Variants in AHCYL2 observed in about 807,000 individuals in gnomAD.
The protein encoded by AHCYL2 is S-adenosylhomocysteine hydrolase-like protein 2.
AHCYL2 carries 28 observed loss-of-function variants against 81.4 expected under a neutral mutation model. The observed-to-expected ratio is 0.34, with a 90% CI of 0.25 to 0.47. The LOEUF is 0.47. Among genes scored for constraint, AHCYL2 ranks in the 20% least tolerant of loss-of-function variants. AHCYL2 has a pLI of 1.00. For synonymous variants in AHCYL2, 272 were observed against 290.2 expected (o/e 0.94, Z 0.64); for missense variants, 551 against 785.1 (o/e 0.70, Z 3.56).
chr7:129,349,751 T>C (rs561686129), intron 1 of AHCYL2, among the ~76,000 whole-genome samples: 3 of 151,782 alleles, frequency 2.0e-5, no homozygotes, highest in East Asian at 3.9e-4. Context: ...ACTAAAGAGA[T>C]AGGGCTATGT....
intron 3 of AHCYL2, 120 bp downstream of exon 3, chr7:129,389,319 A>C: frequency 1.6e-6 from 2 of 1,248,282 alleles, no homozygotes; most frequent in Non-Finnish European, 2.2e-6. Flanking sequence ...GAATACTTAT[A>C]ACAAAAGAAA....
At chr7:129,248,077 C>T (rs1795122116) in intron 1 of AHCYL2, among the ~76,000 whole-genome samples, 1 of 152,164 alleles carries the variant, frequency 6.6e-6, no homozygotes, top group Non-Finnish European at 1.5e-5. Context: ...CCACTTATCC[C>T]AGCACCATTA....
intron 1 of AHCYL2, among the ~76,000 whole-genome samples, chr7:129,334,603 C>T (rs1019570632): frequency 6.6e-6 from 1 of 152,178 alleles, no homozygotes; most frequent in African/African-American, 2.4e-5. Flanking sequence ...CACTGCTTCC[C>T]TGCTAACAAA....
chr7:129,390,748 C>G (rs1232232119), intron 4 of AHCYL2, among the ~76,000 whole-genome samples: 2 of 152,134 alleles, frequency 1.3e-5, no homozygotes, highest in Admixed American at 6.6e-5. Context: ...GAAGTCCCTC[C>G]AGGATACTCC....
intron 4 of AHCYL2, among the ~76,000 whole-genome samples, chr7:129,396,807 T>A (rs1203202290): frequency 1.3e-5 from 2 of 152,118 alleles, no homozygotes; most frequent in Admixed American, 6.6e-5. Context: ...ACAACCTCCA[T>A]CTCCCAGGCT....
chr7:129,398,228 C>T (rs1795836660), intron 5 of AHCYL2, among the ~76,000 whole-genome samples: 2 of 151,430 alleles, frequency 1.3e-5, no homozygotes, highest in South Asian at 4.2e-4. Flanking sequence ...TCAGGCTGGT[C>T]TCAAACAGCC....
rs183267027 is a variant in AHCYL2, at chr7:129,368,752, G to A, written c.364-10886G>A. Among the ~76,000 whole-genome samples the A allele has an allele frequency of 6.6e-6, 1 of 152,336 alleles. No individual in the cohort carries two copies. Among genetic ancestry groups the A allele is most frequent in the African/African-American group, 2.4e-5 (1 of 41,582 alleles). On this transcript the variant is annotated intron_variant, in intron 1 of 16. Transcript: ENST00000325006. This position sits in a 1 kb window ranked among gnomAD's most constrained non-coding sequence, Gnocchi z 4.4. ...AATTATCCACGAAGCTGGGAAAGGT[G>A]TGAGAGTTGCCTGGCCAGGGCTTGT...
At chr7:129,318,168 A>G (rs1797891854) in intron 1 of AHCYL2, among the ~76,000 whole-genome samples, 1 of 152,250 alleles carries the variant, frequency 6.6e-6, no homozygotes, top group South Asian at 2.1e-4. Flanking sequence ...TATGGTTAGT[A>G]TGGAGAATAG....
At chr7:129,312,642 T>G (rs1213781808) in intron 1 of AHCYL2, among the ~76,000 whole-genome samples, 1 of 152,198 alleles carries the variant, frequency 6.6e-6, no homozygotes, top group African/African-American at 2.4e-5. Context: ...CAAGATTACC[T>G]TTTTGCTACA....
At chr7:129,389,858 A>T in intron 4 of AHCYL2, 124 bp downstream of exon 4, 1 of 685,112 alleles carries the variant, frequency 1.5e-6, no homozygotes, top group East Asian at 3.0e-5. Context: ...TAATCCTTAT[A>T]ATGGCCATAT....
At chr7:129,413,790 A>G (rs1286078200) in intron 12 of AHCYL2, 102 bp downstream of exon 12, 6 of 939,752 alleles carry the variant, frequency 6.4e-6, no homozygotes, top group South Asian at 4.1e-5. Context: ...AAACATGACT[A>G]TCCTGGCAGA....
intron 1 of AHCYL2, 23 bp downstream of exon 1, chr7:129,225,462 C>T (rs1400759195): frequency 2.0e-6 from 3 of 1,488,940 alleles, no homozygotes; most frequent in Non-Finnish European, 2.7e-6. Flanking sequence ...GGCTGCCTCT[C>T]TAGGAGAGGA....
intron 1 of AHCYL2, among the ~76,000 whole-genome samples, chr7:129,310,345 A>G (rs928012352): frequency 6.6e-6 from 1 of 152,144 alleles, no homozygotes. Flanking sequence ...ATCACCAAGG[A>G]TCTCCTGTCA....
intron 1 of AHCYL2, among the ~76,000 whole-genome samples, chr7:129,312,383 G>A (rs1797688733): frequency 6.6e-6 from 1 of 152,046 alleles, no homozygotes; most frequent in Non-Finnish European, 1.5e-5. Flanking sequence ...ATTGCACCCA[G>A]CCTCCTTCAT....
At chr7:129,352,937 CTTTTTTTTTTTT>C (rs59762582) in intron 1 of AHCYL2, among the ~76,000 whole-genome samples, 4 of 82,548 alleles carry the variant, frequency 4.8e-5, no homozygotes, top group African/African-American at 1.8e-4. Flanking sequence ...CCTCCTCATT[CTTTTTTTTTTTT>C]TTTTTTTTTT....
chr7:129,227,152 G>A (rs1563157413), intron 1 of AHCYL2, among the ~76,000 whole-genome samples: 1 of 152,110 alleles, frequency 6.6e-6, no homozygotes, highest in African/African-American at 2.4e-5. Flanking sequence ...TATGATTGAG[G>A]ATTAGAAATA....
intron 1 of AHCYL2, among the ~76,000 whole-genome samples, chr7:129,297,035 T>C (rs1458521492): frequency 6.6e-6 from 1 of 152,218 alleles, no homozygotes; most frequent in Non-Finnish European, 1.5e-5. Context: ...TATGTCAACC[T>C]TTCTGAAGTG....
intron 1 of AHCYL2, among the ~76,000 whole-genome samples, chr7:129,281,142 C>T (rs569196815): frequency 6.6e-6 from 1 of 152,264 alleles, no homozygotes; most frequent in East Asian, 1.9e-4. Context: ...GGATTACAGG[C>T]ATGAGCCACC....
At chr7:129,387,246 C>T (rs1239053776) in intron 2 of AHCYL2, among the ~76,000 whole-genome samples, 16 of 152,198 alleles carry the variant, frequency 1.1e-4, no homozygotes, top group Admixed American at 1.0e-3. Context: ...AAGATAAGGA[C>T]CATCTATATC....
Sources: gnomAD v4.1 joint callset for allele counts (sites outside exome capture counted in the v4.1 genomes callset) on GRCh38, gnomAD v4.1.1 for gene constraint, Gnocchi (gnomAD v3.1) non-coding constraint, MANE v1.5 for transcripts, NCBI Gene and HGNC (gene_info 2026-07-23, HGNC 2026-07-21) for gene names.